Variants in GTF3C1 observed in about 807,000 individuals in gnomAD.
GTF3C1 encodes general transcription factor 3C polypeptide 1.
In GTF3C1, 57 loss-of-function variants were observed where a neutral mutation model predicts 226.7. The observed-to-expected ratio is 0.25, with a 90% CI of 0.20 to 0.31. GTF3C1 has a LOEUF of 0.31. Among genes scored for constraint, GTF3C1 ranks in the 10% least tolerant of loss-of-function variants. The probability of loss-of-function intolerance (pLI) is 1.00; values close to 1 mark genes in which losing one functional copy is unlikely to be tolerated. For missense variants in GTF3C1, 2,217 were observed against 2,776.1 expected, an observed-to-expected ratio of 0.80 and a Z score of 4.53; for synonymous variants, 1,090 against 1,084.8, an observed-to-expected ratio of 1.00 and a Z score of -0.09.
chr16:27,538,156 A>G, intron 3 of GTF3C1, 24 bp downstream of exon 3: 2 of 1,491,708 alleles, frequency 1.3e-6, no homozygotes, highest in Non-Finnish European at 1.8e-6. Flanking sequence ...AATTTAAAGC[A>G]GAGAAGCAAA....
In GTF3C1 at chr16:27,507,293, C is replaced by T. The variant is rs2088500879; in HGVS notation, c.1243-137G>A. ...CTTACTGCCTGGGCCCTGGGTTGGG[C>T]ACCACTGATGCTCCCTCCAGGCTCT... On this transcript the variant is annotated intron_variant, in intron 8 of 36. Transcript: ENST00000356183. This position sits in a 1 kb window ranked among gnomAD's most constrained non-coding sequence, Gnocchi z 4.9. 3.1e-6 allele frequency: 2 copies of T among 648,442 alleles called. No individual in the cohort carries two copies. Among genetic ancestry groups the T allele is most frequent in the East Asian group, 2.7e-5 (1 of 37,028 alleles). The allele number at this position is 648,442 out of a possible 1,614,324, so 40.2% of individuals were successfully genotyped here.
intron 5 of GTF3C1, among the ~76,000 whole-genome samples, 173 bp downstream of exon 5, chr16:27,533,118 C>T (rs1182772537): frequency 6.6e-6 from 1 of 152,142 alleles, no homozygotes; most frequent in Non-Finnish European, 1.5e-5. Context: ...GGCAACAGAG[C>T]AAGACTCTGT....
rs1352820268 is a variant in GTF3C1 at position 27,537,764 on chromosome 16, T to C, written c.752+20A>G. ...GGCTGCAACTAAAAAACCTAATGTT[T>C]TGGTCACTACAAACCATACCTGTCC... On this transcript the variant is annotated intron_variant, in intron 4 of 36. Coordinates refer to ENST00000356183, the MANE Select transcript of GTF3C1 (RefSeq NM_001520.4). 1 of 1,577,826 alleles carries C rather than the reference T, an allele frequency of 6.3e-7. No homozygotes were observed.
intron 25 of GTF3C1, 45 bp from the exon 26 acceptor site, chr16:27,483,170 T>C (rs1465507574): frequency 1.3e-6 from 2 of 1,572,514 alleles, no homozygotes; most frequent in South Asian, 1.1e-5. Context: ...ATTGCAATGA[T>C]GCCCATGTTC....
intron 6 of GTF3C1, among the ~76,000 whole-genome samples, chr16:27,527,104 G>A (rs1185284362): frequency 6.6e-6 from 1 of 152,170 alleles, no homozygotes; most frequent in African/African-American, 2.4e-5. Flanking sequence ...CTACTCATGA[G>A]GCTGAGGCAA....
chr16:27,524,343 A>T (rs866946749), intron 6 of GTF3C1, among the ~76,000 whole-genome samples: 17 of 152,356 alleles, frequency 1.1e-4, no homozygotes, highest in Admixed American at 3.3e-4. Context: ...CAATACAAAC[A>T]AACACTGTGA....
At chr16:27,519,125 T>C (rs367667767) in intron 6 of GTF3C1, among the ~76,000 whole-genome samples, 1 of 151,636 alleles carries the variant, frequency 6.6e-6, no homozygotes, top group Non-Finnish European at 1.5e-5. Context: ...GGCATTTGGG[T>C]GGGACAGTAA....
rs750128267 is a variant in GTF3C1, at chr16:27,461,487, C to T, written c.6193G>A (p.Val2065Met). Reference protein sequence around the residue: ...PRPVSLFSTPVVEEVEVPSSL... With the variant: ...PRPVSLFSTPMVEEVEVPSSL... ...GAGGGCACTTCCACCTCTTCCACCA[C>T]GGGTGTAGAGAAGAGCGAGACAGGC... is the stretch of plus-strand genomic sequence containing the variant. Residue 2065 changes from valine (V) to methionine (M), a missense_variant, in exon 37 of 37, where the codon GTG becomes ATG. By Grantham distance (21) the Val-to-Met change is conservative. This residue lies in a region of GTF3C1 where 153 missense variants were observed against 199.8 expected (regional missense o/e 0.77). Transcript: ENST00000356183. This position sits in a 1 kb window ranked among gnomAD's most constrained non-coding sequence, Gnocchi z 5.3. The T allele has an allele frequency of 5.0e-6, 8 of 1,613,786 alleles. No individual in the cohort carries two copies. Among genetic ancestry groups the T allele is most frequent in the African/African-American group, 2.7e-5 (2 of 74,918 alleles).
At chr16:27,480,748 C>T (rs905410903) in intron 27 of GTF3C1, 1 of 277,410 alleles carries the variant, frequency 3.6e-6, no homozygotes, top group African/African-American at 2.2e-5. Context: ...CAAATCCTGG[C>T]CCTGGTACTT....
intron 16 of GTF3C1, among the ~76,000 whole-genome samples, chr16:27,493,857 A>G (rs935973285): frequency 6.6e-6 from 1 of 152,224 alleles, no homozygotes; most frequent in African/African-American, 2.4e-5. Context: ...TAAAAAGTTA[A>G]TGATGCAAAA....
At chr16:27,464,978 T>C (rs9888849) in intron 33 of GTF3C1, 142 bp from the exon 34 acceptor site, 107,281 of 721,886 alleles carry the variant, frequency 0.15, 9,624 homozygotes, top group African/African-American at 0.29. Context: ...GCCTGGCTCC[T>C]AGCCCCGGGG....
At chr16:27,497,957 A>C (rs1000872395) in intron 13 of GTF3C1, 136 bp from the exon 14 acceptor site, 10 of 661,256 alleles carry the variant, frequency 1.5e-5, no homozygotes, top group Non-Finnish European at 2.5e-5. Flanking sequence ...GGGGCCAGGG[A>C]GATGATGCAA....
chr16:27,483,967 G>A (rs967098670), intron 25 of GTF3C1, among the ~76,000 whole-genome samples: 5 of 152,140 alleles, frequency 3.3e-5, no homozygotes, highest in Admixed American at 1.3e-4. Flanking sequence ...TCCAAAAAAA[G>A]GATACCACCA....
intron 6 of GTF3C1, among the ~76,000 whole-genome samples, chr16:27,525,185 TAAAAG>T (rs60325418): frequency 5.6e-4 from 85 of 150,754 alleles, no homozygotes; most frequent in Middle Eastern, 3.4e-3. Flanking sequence ...AAGAAAGAAA[TAAAAG>T]AAAAGAAAAG....
intron 1 of GTF3C1, 39 bp downstream of exon 1, chr16:27,549,631 G>GGCCCCCCCCCCCCCCC: frequency 8.4e-5 from 58 of 691,882 alleles, no homozygotes; most frequent in Admixed American, 1.3e-4. Flanking sequence ...CGGGCCCTGC[G>GGCCCCCCCCCCCCCCC]CCCGCCCGCC....
chr16:27,516,792 T>A (rs1348346279), intron 6 of GTF3C1, among the ~76,000 whole-genome samples: 3 of 152,074 alleles, frequency 2.0e-5, no homozygotes, highest in Non-Finnish European at 2.9e-5. Context: ...ACCACCATGC[T>A]CGGATCTTTT....
At chr16:27,476,681 A>G in intron 28 of GTF3C1, 137 bp from the exon 29 acceptor site, 1 of 624,692 alleles carries the variant, frequency 1.6e-6, no homozygotes, top group Non-Finnish European at 2.9e-6. Context: ...AGAAAACACA[A>G]TATATGATGG....
chr16:27,484,384 T>G, intron 24 of GTF3C1, 31 bp from the exon 25 acceptor site: 3 of 1,538,068 alleles, frequency 2.0e-6, no homozygotes, highest in Non-Finnish European at 9.0e-7. Flanking sequence ...AGACAAAAAG[T>G]CAGTATCCTC....
chr16:27,470,167 C>A lies in GTF3C1; in HGVS notation c.4755G>T (p.Arg1585Ser). ...FSLGLISVDV[R>S]IPEQIIVVDS... The stretch of plus-strand genomic sequence containing the variant: ...CTACCACGATGATCTGCTCCGGGAT[C>A]CTGACATCCACAGAAATGAGGCCCA... Residue 1585 changes from arginine to serine, a missense_variant, in exon 31 of 37, where the codon AGG becomes AGT. Physicochemically the swap from Arg to Ser is moderately radical, Grantham distance 110. Transcript: ENST00000356183. This position sits in a 1 kb window ranked among gnomAD's most constrained non-coding sequence, Gnocchi z 4.9. 6.2e-7 allele frequency: 1 copy of A among 1,613,988 alleles called. No individual in the cohort carries two copies. The highest frequency in any genetic ancestry group is 8.5e-7 in the Non-Finnish European group (1 of 1,179,856).
Sources: gnomAD v4.1 joint callset for allele counts (sites outside exome capture counted in the v4.1 genomes callset) on GRCh38, gnomAD v4.1.1 for gene constraint, gnomAD v4.1.1 regional missense constraint, Gnocchi (gnomAD v3.1) non-coding constraint, MANE v1.5 for transcripts, NCBI Gene and HGNC (gene_info 2026-07-23, HGNC 2026-07-21) for gene names.